PPP2R5A: variants seen among roughly 807,000 people sequenced by gnomAD.
The protein encoded by PPP2R5A is serine/threonine-protein phosphatase 2A 56 kDa regulatory subunit alpha isoform.
Under a neutral mutation model 64.2 loss-of-function variants are expected in PPP2R5A, and 25 were observed. The observed-to-expected ratio is 0.39, with a 90% CI of 0.28 to 0.54. PPP2R5A has a LOEUF of 0.54. Among genes scored for constraint, PPP2R5A ranks in the 20% least tolerant of loss-of-function variants. The pLI, the probability that PPP2R5A is intolerant of heterozygous loss-of-function variation, is 0.67. For missense variants in PPP2R5A, 425 were observed against 576.3 expected (o/e 0.74, Z 2.69); for synonymous variants, 198 against 201.2 (o/e 0.98, Z 0.13).
chr1:212,314,895 C>G (rs1458572477), intron 1 of PPP2R5A, among the ~76,000 whole-genome samples: 1 of 151,852 alleles, frequency 6.6e-6, no homozygotes, highest in Admixed American at 6.6e-5. Context: ...TTCGTAGAGA[C>G]AAGTTCTTGC....
chr1:212,332,855 C>G (rs1156505130), intron 2 of PPP2R5A, among the ~76,000 whole-genome samples: 1 of 151,572 alleles, frequency 6.6e-6, no homozygotes, highest in African/African-American at 2.4e-5. Context: ...CCCTGTACTC[C>G]CTTCCTCAAT....
chr1:212,309,513 C>T (rs982727783), intron 1 of PPP2R5A: 7 of 757,512 alleles, frequency 9.2e-6, no homozygotes, highest in Admixed American at 3.7e-5. Context: ...TCGCTTTCGG[C>T]GCCATCTTGT....
At chr1:212,286,999 C>G (rs1658516225) in intron 1 of PPP2R5A, among the ~76,000 whole-genome samples, 1 of 152,134 alleles carries the variant, frequency 6.6e-6, no homozygotes, top group South Asian at 2.1e-4. Flanking sequence ...TTTGGAAATA[C>G]GAAGGAGTAG....
chr1:212,336,618 A>C (rs552551684), intron 3 of PPP2R5A, among the ~76,000 whole-genome samples: 1 of 152,354 alleles, frequency 6.6e-6, no homozygotes, highest in African/African-American at 2.4e-5. Context: ...GGACATCAGA[A>C]ACTGGTAGAT....
At chr1:212,354,560 C>T (rs551288403) in intron 8 of PPP2R5A, among the ~76,000 whole-genome samples, 1 of 148,538 alleles carries the variant, frequency 6.7e-6, no homozygotes, top group South Asian at 2.2e-4. Flanking sequence ...GGCATACACC[C>T]GTAGTCCCAG....
At chr1:212,292,567 T>G (rs1175215700) in intron 1 of PPP2R5A, among the ~76,000 whole-genome samples, 2 of 152,122 alleles carry the variant, frequency 1.3e-5, no homozygotes, top group African/African-American at 4.8e-5. Context: ...TTCTGTTTTG[T>G]TTTTTGGTTT....
chr1:212,336,435 G>A (rs1659595465), intron 3 of PPP2R5A, among the ~76,000 whole-genome samples: 1 of 152,112 alleles, frequency 6.6e-6, no homozygotes, highest in Admixed American at 6.6e-5. Flanking sequence ...TTTTTGAGAA[G>A]TAGTTCTCTC....
chr1:212,318,540 A>C (rs1306325860), intron 1 of PPP2R5A, among the ~76,000 whole-genome samples: 1 of 152,220 alleles, frequency 6.6e-6, no homozygotes, highest in African/African-American at 2.4e-5. Flanking sequence ...TTGAGGCAAC[A>C]AAAAGACTTA....
chr1:212,292,723 C>T (rs2102410291), intron 1 of PPP2R5A, among the ~76,000 whole-genome samples: 1 of 152,220 alleles, frequency 6.6e-6, no homozygotes, highest in Non-Finnish European at 1.5e-5. Context: ...CCACACCCAG[C>T]TAAGTTTTTT....
chr1:212,338,296 C>T (rs951669588), intron 3 of PPP2R5A, among the ~76,000 whole-genome samples: 2 of 152,144 alleles, frequency 1.3e-5, no homozygotes, highest in African/African-American at 4.8e-5. Context: ...TTATCTTTCA[C>T]TTTTTAGGGT....
intron 11 of PPP2R5A, 27 bp from the exon 12 acceptor site, chr1:212,358,659 C>T (rs930611179): frequency 7.1e-6 from 11 of 1,543,078 alleles, no homozygotes; most frequent in Non-Finnish European, 8.9e-6. Context: ...AGTATCATAA[C>T]TCAGGACTGG....
chr1:212,344,340 G>A (rs867201160), intron 4 of PPP2R5A, among the ~76,000 whole-genome samples: 21 of 152,234 alleles, frequency 1.4e-4, no homozygotes, highest in South Asian at 6.2e-4. Flanking sequence ...CTCATACTCC[G>A]TAGATATTTT....
intron 3 of PPP2R5A, among the ~76,000 whole-genome samples, chr1:212,340,048 C>T (rs1028991452): frequency 5.5e-5 from 8 of 145,234 alleles, no homozygotes; most frequent in African/African-American, 2.1e-4. Flanking sequence ...CTTACCAGCA[C>T]GTTAGGATGC....
intron 8 of PPP2R5A, among the ~76,000 whole-genome samples, chr1:212,353,561 A>AT (rs1348226074): frequency 2.6e-5 from 4 of 152,274 alleles, no homozygotes; most frequent in Non-Finnish European, 4.4e-5. Flanking sequence ...TTTGTCATAT[A>AT]TTAAAATCCA....
In PPP2R5A at chr1:212,333,258, G is replaced by A. The variant is rs557732214; in HGVS notation, c.379-239G>A. ...GAACAATTTATAATTTAAAGAAGATGAATCCAGAGGTTATCTGTAATCTTC... is the reference window on the plus strand; with the variant it reads ...GAACAATTTATAATTTAAAGAAGATAAATCCAGAGGTTATCTGTAATCTTC... On this transcript the variant is annotated intron_variant, in intron 2 of 12. Transcript: ENST00000261461. 1.1e-4 allele frequency among the ~76,000 whole-genome samples: 17 copies of A among 152,268 alleles called. 1 individual carries two copies. The South Asian group carries it at 3.5e-3, about 32-fold the overall frequency.
intron 1 of PPP2R5A, among the ~76,000 whole-genome samples, chr1:212,301,137 A>T (rs1658793486): frequency 6.6e-6 from 1 of 152,110 alleles, no homozygotes; most frequent in Admixed American, 6.5e-5. Flanking sequence ...CAGTCTTCTG[A>T]GTAGCTGGGA....
intron 1 of PPP2R5A, chr1:212,299,715 A>G (rs1335323856): frequency 6.6e-6 from 1 of 152,210 alleles, no homozygotes; most frequent in Non-Finnish European, 1.5e-5. Context: ...TGAATGAACC[A>G]ACCTAATTTT....
chr1:212,353,533 T>C (rs1257945984), intron 8 of PPP2R5A, among the ~76,000 whole-genome samples: 7 of 152,122 alleles, frequency 4.6e-5, no homozygotes, highest in Non-Finnish European at 1.0e-4. Context: ...CTGTTTCCCA[T>C]GGAACTGAAA....
chr1:212,348,533 T>C, intron 7 of PPP2R5A, 36 bp downstream of exon 7: 1 of 1,356,446 alleles, frequency 7.4e-7, no homozygotes, highest in Non-Finnish European at 1.0e-6. Context: ...AAATGAATAT[T>C]ATTTCAAAGG....
Sources: allele counts gnomAD v4.1 joint callset (sites outside exome capture counted in the v4.1 genomes callset), GRCh38; gene constraint gnomAD v4.1.1; transcripts MANE v1.5; gene names NCBI Gene and HGNC (gene_info 2026-07-23, HGNC 2026-07-21).